Variants in IL19 observed in about 807,000 individuals in gnomAD.
The protein encoded by IL19 is interleukin-19.
IL19 carries 15 observed loss-of-function variants against 19.5 expected under a neutral mutation model. The observed-to-expected ratio is 0.77, with a 90% CI of 0.52 to 1.19. IL19 has a LOEUF of 1.19. Ranked by LOEUF, IL19 falls within the 50% of genes most tolerant of loss-of-function variation. IL19 has a pLI of 0.00. For missense variants in IL19, 199 were observed against 213.1 expected, an observed-to-expected ratio of 0.93 and a Z score of 0.41; for synonymous variants, 78 against 78.3, an observed-to-expected ratio of 1.00 and a Z score of 0.02.
intron 2 of IL19, among the ~76,000 whole-genome samples, chr1:206,835,870 GT>G (rs757290075): frequency 1.8e-4 from 27 of 152,244 alleles, no homozygotes; most frequent in Non-Finnish European, 3.7e-4. Context: ...ATACAAAGTG[GT>G]TAAATGAAGA....
At chr1:206,818,504 C>T (rs941354243) in intron 2 of IL19, among the ~76,000 whole-genome samples, 3 of 152,136 alleles carry the variant, frequency 2.0e-5, no homozygotes, top group African/African-American at 2.4e-5. Flanking sequence ...TCTATACTTT[C>T]GGAAAGCAGA....
intron 2 of IL19, among the ~76,000 whole-genome samples, chr1:206,826,150 G>A (rs1305974501): frequency 5.3e-5 from 8 of 152,194 alleles, no homozygotes; most frequent in Non-Finnish European, 1.2e-4. Context: ...GGGAGACCAA[G>A]GGGAAGATAA....
intron 2 of IL19, among the ~76,000 whole-genome samples, chr1:206,813,657 C>T (rs188292930): frequency 1.3e-4 from 20 of 152,328 alleles, no homozygotes; most frequent in Non-Finnish European, 2.5e-4. Flanking sequence ...TCAGCAGTTG[C>T]AACCTTTATG....
intron 2 of IL19, among the ~76,000 whole-genome samples, chr1:206,802,997 C>G (rs576651082): frequency 6.6e-6 from 1 of 152,344 alleles, no homozygotes; most frequent in Admixed American, 6.5e-5. Context: ...ATTTCCTTTT[C>G]CAGATCCCTT....
chr1:206,777,226 G>GTT (rs1256767568), intron 1 of IL19, among the ~76,000 whole-genome samples: 2 of 61,874 alleles, frequency 3.2e-5, no homozygotes, highest in Non-Finnish European at 6.0e-5. Context: ...GCGAGACTCC[G>GTT]TCTCAAAAAA....
At chr1:206,792,667 G>C (rs528356921) in intron 1 of IL19, among the ~76,000 whole-genome samples, 1 of 152,256 alleles carries the variant, frequency 6.6e-6, no homozygotes, top group East Asian at 1.9e-4. Context: ...ATGTTGGCCA[G>C]GATGGTCTCG....
intron 1 of IL19, among the ~76,000 whole-genome samples, chr1:206,781,956 CAT>C (rs1399563373): frequency 6.7e-5 from 5 of 74,904 alleles, no homozygotes; most frequent in South Asian, 4.2e-4. Flanking sequence ...GTTATATATA[CAT>C]ATATATGTAT....
At chr1:206,786,943 G>A (rs760936203) in intron 1 of IL19, among the ~76,000 whole-genome samples, 5 of 152,092 alleles carry the variant, frequency 3.3e-5, no homozygotes, top group East Asian at 1.9e-4. Context: ...CACCAAGCCA[G>A]GTTCACTTTT....
chr1:206,775,669 G>C (rs1265471893), intron 1 of IL19, among the ~76,000 whole-genome samples: 1 of 152,208 alleles, frequency 6.6e-6, no homozygotes, highest in Admixed American at 6.5e-5. Context: ...TATTTCTCAA[G>C]TTTTTGAAGA....
intron 2 of IL19, among the ~76,000 whole-genome samples, chr1:206,831,484 T>C (rs1676608512): frequency 6.6e-6 from 1 of 152,206 alleles, no homozygotes; most frequent in Non-Finnish European, 1.5e-5. Context: ...TTATTTTTGA[T>C]ATTAGGGGTC....
chr1:206,809,444 A>G (rs1675943163), intron 2 of IL19, among the ~76,000 whole-genome samples: 1 of 152,188 alleles, frequency 6.6e-6, no homozygotes, highest in Non-Finnish European at 1.5e-5. Context: ...ACTTTAGCTC[A>G]GCTTCAAGGG....
intron 6 of IL19, 70 bp from the exon 7 acceptor site, chr1:206,842,457 T>C: frequency 2.2e-6 from 2 of 918,178 alleles, no homozygotes; most frequent in Non-Finnish European, 3.4e-6. Flanking sequence ...AACCAGCATA[T>C]GAAGAAAGTG....
chr1:206,811,401 G>T (rs543790692), intron 2 of IL19, among the ~76,000 whole-genome samples: 1 of 141,632 alleles, frequency 7.1e-6, no homozygotes, highest in Non-Finnish European at 1.5e-5. Context: ...CCGAGATCTC[G>T]CCACTGCACT....
chr1:206,822,073 A>C (rs968494890), intron 2 of IL19, among the ~76,000 whole-genome samples: 2 of 152,096 alleles, frequency 1.3e-5, no homozygotes, highest in African/African-American at 4.8e-5. Flanking sequence ...AACTGTGATT[A>C]ATATTTGGTG....
At chr1:206,811,601 C>A (rs1676014297) in intron 2 of IL19, among the ~76,000 whole-genome samples, 1 of 152,126 alleles carries the variant, frequency 6.6e-6, no homozygotes, top group Non-Finnish European at 1.5e-5. Context: ...TCCAGCTATT[C>A]TTGTGCTTGC....
intron 2 of IL19, among the ~76,000 whole-genome samples, chr1:206,800,597 T>C (rs1398364781): frequency 2.0e-5 from 3 of 151,766 alleles, no homozygotes; most frequent in Non-Finnish European, 4.4e-5. Context: ...AGTATGTGAG[T>C]GTGCATGTGT....
intron 2 of IL19, among the ~76,000 whole-genome samples, chr1:206,810,921 T>TATC (rs1303633438): frequency 2.6e-5 from 4 of 152,204 alleles, no homozygotes; most frequent in Non-Finnish European, 5.9e-5. Flanking sequence ...TCTTGCTTCC[T>TATC]ATCTCACCAT....
intron 1 of IL19, among the ~76,000 whole-genome samples, chr1:206,786,454 G>A (rs1302712689): frequency 6.6e-6 from 1 of 152,208 alleles, no homozygotes; most frequent in Admixed American, 6.5e-5. Flanking sequence ...CTTTCTGTGT[G>A]AGTGAGGGTT....
chr1:206,821,326 T>C (rs1461303409), intron 2 of IL19, among the ~76,000 whole-genome samples: 1 of 152,204 alleles, frequency 6.6e-6, no homozygotes, highest in Non-Finnish European at 1.5e-5. Flanking sequence ...GGACATAAGA[T>C]TAAATGAGTT....
Sources: gnomAD v4.1 joint callset for allele counts (sites outside exome capture counted in the v4.1 genomes callset) on GRCh38, gnomAD v4.1.1 for gene constraint, MANE v1.5 for transcripts, NCBI Gene and HGNC (gene_info 2026-07-23, HGNC 2026-07-21) for gene names.